Variants in PDE4B observed in about 807,000 individuals in gnomAD.
PDE4B encodes 3',5'-cyclic-AMP phosphodiesterase 4B.
Under a neutral mutation model 82.2 loss-of-function variants are expected in PDE4B, and 20 were observed. The ratio of observed to expected loss-of-function variants is 0.24; its 90% CI spans 0.17 to 0.35. The LOEUF (loss-of-function observed/expected upper bound fraction) is 0.35. Ranked by LOEUF, PDE4B falls within the 10% of genes least tolerant of loss-of-function variation. The probability of loss-of-function intolerance (pLI) is 1.00; values close to 1 mark genes in which losing one functional copy is unlikely to be tolerated. For missense variants in PDE4B, 655 were observed against 907.2 expected, an observed-to-expected ratio of 0.72 and a Z score of 3.57; for synonymous variants, 320 against 318.9, an observed-to-expected ratio of 1.00 and a Z score of -0.04.
At chr1:66,123,315 C>A (rs967703063) in intron 3 of PDE4B, among the ~76,000 whole-genome samples, 2 of 152,196 alleles carry the variant, frequency 1.3e-5, no homozygotes, top group African/African-American at 4.8e-5. Flanking sequence ...TTCTTGACAG[C>A]ATTTTGAATG....
At chr1:66,258,667 C>G (rs1473569514) in intron 6 of PDE4B, among the ~76,000 whole-genome samples, 1 of 152,154 alleles carries the variant, frequency 6.6e-6, no homozygotes, top group Non-Finnish European at 1.5e-5. Context: ...AACCCCCTCC[C>G]CCCGCATAAG....
chr1:66,144,055 C>A (rs917410393), intron 3 of PDE4B, among the ~76,000 whole-genome samples: 12 of 152,226 alleles, frequency 7.9e-5, no homozygotes, highest in Non-Finnish European at 1.5e-4. Context: ...TGAATCCTTA[C>A]TGATATAGTT....
chr1:65,881,860 C>G (rs568732777), intron 1 of PDE4B, among the ~76,000 whole-genome samples: 3 of 152,232 alleles, frequency 2.0e-5, no homozygotes, highest in African/African-American at 7.2e-5. Context: ...TACATTTATA[C>G]AGTGCTAATG....
chr1:66,076,700 C>T (rs1408478881), intron 3 of PDE4B, among the ~76,000 whole-genome samples: 1 of 152,146 alleles, frequency 6.6e-6, no homozygotes, highest in Non-Finnish European at 1.5e-5. Context: ...TTAACAAAGA[C>T]CATTCTGAGC....
intron 1 of PDE4B, among the ~76,000 whole-genome samples, chr1:65,853,817 C>T (rs1025505615): frequency 6.6e-6 from 1 of 152,168 alleles, no homozygotes; most frequent in Non-Finnish European, 1.5e-5. Context: ...CATGAGCCAC[C>T]GCGCCTGGCT....
At chr1:66,248,588 G>A (rs1653506790) in intron 4 of PDE4B, among the ~76,000 whole-genome samples, 2 of 152,188 alleles carry the variant, frequency 1.3e-5, no homozygotes, top group African/African-American at 4.8e-5. Flanking sequence ...CAATCATTGT[G>A]TGGGCCCAAA....
chr1:66,229,216 A>G (rs1388782292), intron 3 of PDE4B, among the ~76,000 whole-genome samples: 2 of 151,448 alleles, frequency 1.3e-5, no homozygotes, highest in Admixed American at 6.6e-5. Flanking sequence ...TCACCGTGTT[A>G]GCCAGGATGG....
At chr1:65,883,970 C>T (rs962677802) in intron 1 of PDE4B, among the ~76,000 whole-genome samples, 5 of 152,046 alleles carry the variant, frequency 3.3e-5, no homozygotes, top group Non-Finnish European at 5.9e-5. Flanking sequence ...TATTGATGTG[C>T]GTGTGTTGAA....
intron 1 of PDE4B, among the ~76,000 whole-genome samples, chr1:65,897,596 ATTC>A (rs1266384624): frequency 6.6e-6 from 1 of 151,930 alleles, no homozygotes; most frequent in Non-Finnish European, 1.5e-5. Context: ...TTGGTTTTCT[ATTC>A]TTGTGTTAAT....
intron 3 of PDE4B, among the ~76,000 whole-genome samples, chr1:66,142,543 G>A (rs1056289631): frequency 3.9e-5 from 6 of 152,032 alleles, no homozygotes; most frequent in Non-Finnish European, 7.4e-5. Context: ...TAGAAAGCAA[G>A]CATAATAGAG....
intron 4 of PDE4B, among the ~76,000 whole-genome samples, chr1:66,248,537 C>T (rs1284560163): frequency 6.6e-6 from 1 of 152,130 alleles, no homozygotes; most frequent in Non-Finnish European, 1.5e-5. Flanking sequence ...GGCATTTCTG[C>T]CAGCACATTT....
intron 3 of PDE4B, among the ~76,000 whole-genome samples, chr1:66,131,338 C>T (rs897865513): frequency 6.6e-6 from 1 of 151,276 alleles, no homozygotes; most frequent in African/African-American, 2.4e-5. Flanking sequence ...CTTATTTGAC[C>T]TTATTATTTC....
chr1:66,044,570 T>C (rs1453089326), intron 3 of PDE4B, among the ~76,000 whole-genome samples: 1 of 151,734 alleles, frequency 6.6e-6, no homozygotes, highest in Non-Finnish European at 1.5e-5. Context: ...TGGCTATATC[T>C]TTAATTAGAG....
At chr1:65,853,384 GAT>G (rs1646353054) in intron 1 of PDE4B, among the ~76,000 whole-genome samples, 2 of 151,776 alleles carry the variant, frequency 1.3e-5, no homozygotes, top group African/African-American at 4.8e-5. Context: ...TGTTATTATA[GAT>G]ATATTTCAGT....
intron 1 of PDE4B, among the ~76,000 whole-genome samples, chr1:65,809,942 G>T (rs1340657951): frequency 1.3e-5 from 2 of 152,182 alleles, no homozygotes; most frequent in African/African-American, 4.8e-5. Flanking sequence ...GATCTTTTTG[G>T]TGCTCTTAAA....
intron 3 of PDE4B, among the ~76,000 whole-genome samples, chr1:65,948,148 G>T (rs1224950285): frequency 6.6e-6 from 1 of 151,564 alleles, no homozygotes; most frequent in Non-Finnish European, 1.5e-5. Context: ...TCTGCCAACT[G>T]CTAAGTATGC....
chr1:66,042,059 T>C (rs1385346424), intron 3 of PDE4B, among the ~76,000 whole-genome samples: 3 of 151,916 alleles, frequency 2.0e-5, no homozygotes, highest in African/African-American at 4.8e-5. Context: ...ATATATTTAA[T>C]GAGACATTTT....
intron 3 of PDE4B, among the ~76,000 whole-genome samples, chr1:66,215,543 T>A (rs912448159): frequency 2.0e-5 from 3 of 152,070 alleles, no homozygotes; most frequent in South Asian, 2.1e-4. Context: ...TTACTGCTGG[T>A]CAAGTAACAT....
At chr1:65,816,708 C>A (rs1485628279) in intron 1 of PDE4B, among the ~76,000 whole-genome samples, 2 of 152,012 alleles carry the variant, frequency 1.3e-5, no homozygotes, top group Non-Finnish European at 2.9e-5. Context: ...CCATGAAAAT[C>A]ATTTTTTGAA....
Sources: allele counts gnomAD v4.1 joint callset (sites outside exome capture counted in the v4.1 genomes callset), GRCh38; gene constraint gnomAD v4.1.1; transcripts MANE v1.5; gene names NCBI Gene and HGNC (gene_info 2026-07-23, HGNC 2026-07-21).